MARCHF5: variants seen among roughly 807,000 people sequenced by gnomAD.
MARCHF5 encodes the protein membrane associated ring-CH-type finger 5, also known as E3 ubiquitin-protein ligase MARCHF5.
MARCHF5 carries 5 observed loss-of-function variants against 36.5 expected under a neutral mutation model. The observed-to-expected ratio is 0.14, with a 90% CI of 0.07 to 0.29. The LOEUF is 0.29. Among genes scored for constraint, MARCHF5 ranks in the 10% least tolerant of loss-of-function variants. MARCHF5 has a pLI of 1.00. For synonymous variants in MARCHF5, 103 were observed against 109.9 expected (o/e 0.94, Z 0.39); for missense variants, 179 against 336.3 (o/e 0.53, Z 3.66).
rs1843737462 is a variant in MARCHF5 at position 92,353,170 on chromosome 10, T to G, written c.*1963T>G. ...TTGCGGGGAGGGAACTGCAAGTGCC[T>G]GAGGACCAGAGTGGCCTCTAGCCCC... is the stretch of plus-strand genomic sequence containing the variant. On this transcript the variant is annotated 3_prime_UTR_variant, in exon 6 of 6. Transcript: ENST00000358935. 1 of 152,142 alleles carries G rather than the reference T, an allele frequency of 6.6e-6. No homozygotes were observed. Among genetic ancestry groups the G allele is most frequent in the Non-Finnish European group, 1.5e-5 (1 of 68,060 alleles). The allele number at this position is 152,142 out of a possible 1,614,324, so 9.4% of individuals were successfully genotyped here.
chr10:92,316,378 TAC>T (rs1423202700), intron 2 of MARCHF5, among the ~76,000 whole-genome samples: 1 of 152,150 alleles, frequency 6.6e-6, no homozygotes. Context: ...CCACCCATGT[TAC>T]AGTTTGCTTT....
chr10:92,296,804 G>A (rs1021792464), intron 1 of MARCHF5, among the ~76,000 whole-genome samples: 19 of 152,110 alleles, frequency 1.2e-4, no homozygotes, highest in Non-Finnish European at 1.0e-4. Context: ...TTAGAATTCT[G>A]CCTCTGTGAG....
chr10:92,342,133 A>G (rs1023991419), intron 3 of MARCHF5, among the ~76,000 whole-genome samples: 1 of 133,546 alleles, frequency 7.5e-6, no homozygotes, highest in African/African-American at 2.7e-5. Flanking sequence ...TTGACTCTTC[A>G]CCCCCCTCAA....
At chr10:92,295,640 CGTCGTAATCT>C (rs1554945718) in intron 1 of MARCHF5, among the ~76,000 whole-genome samples, 1 of 151,690 alleles carries the variant, frequency 6.6e-6, no homozygotes, top group Non-Finnish European at 1.5e-5. Context: ...GATCTCCTGA[CGTCGTAATCT>C]GCCGGAATTG....
Position 92,295,413 on chromosome 10 carries a change from TA to T in MARCHF5, c.35+3885del, listed in dbSNP as rs200028489. On this transcript the variant is annotated intron_variant, in intron 1 of 5. Transcript: ENST00000358935. ...TTTATTTATTTATTTATTTATTTTT[TA>T]TTTTTTTTTTTGAGACAGAGTCTCG... 3.5e-3 allele frequency among the ~76,000 whole-genome samples: 484 copies of T among 138,520 alleles called. 15 individuals are homozygous for T. The highest frequency in any genetic ancestry group is 0.024 in the East Asian group (116 of 4,820). 90.9% of individuals were successfully genotyped at this position (138,520 alleles called of 152,430 possible). A position where few individuals can be genotyped will look rare whatever the true frequency, so the allele number is the denominator to read the frequency against.
At chr10:92,302,059 C>CAA (rs1008874342) in intron 1 of MARCHF5, among the ~76,000 whole-genome samples, 6 of 146,556 alleles carry the variant, frequency 4.1e-5, no homozygotes, top group African/African-American at 1.5e-4. Flanking sequence ...GACTCTGTCT[C>CAA]AAAAAAAAAA....
At chr10:92,347,306 A>G (rs985171603) in intron 3 of MARCHF5, among the ~76,000 whole-genome samples, 3 of 152,148 alleles carry the variant, frequency 2.0e-5, no homozygotes, top group Non-Finnish European at 2.9e-5. Flanking sequence ...TAACGTGGTG[A>G]AACCCCATTT....
chr10:92,325,269 A>G (rs1041716143), intron 2 of MARCHF5, among the ~76,000 whole-genome samples: 52 of 152,278 alleles, frequency 3.4e-4, no homozygotes, highest in African/African-American at 1.3e-3. Flanking sequence ...CCTGAGCCCA[A>G]GAGTTCCAGA....
At chr10:92,305,256 A>G (rs1384614986) in intron 1 of MARCHF5, among the ~76,000 whole-genome samples, 1 of 151,970 alleles carries the variant, frequency 6.6e-6, no homozygotes, top group African/African-American at 2.4e-5. Flanking sequence ...AAATACAAAA[A>G]ATTAGCCAGA....
intron 1 of MARCHF5, among the ~76,000 whole-genome samples, chr10:92,292,089 C>T (rs1842881833): frequency 7.8e-6 from 1 of 127,820 alleles, no homozygotes; most frequent in African/African-American, 2.9e-5. Flanking sequence ...GGAGATTTAA[C>T]GGTCAGACCA....
At chr10:92,307,205 G>C (rs1843084881) in intron 1 of MARCHF5, among the ~76,000 whole-genome samples, 1 of 108,664 alleles carries the variant, frequency 9.2e-6, no homozygotes, top group South Asian at 2.9e-4. Context: ...GTGTGTGTGT[G>C]TGTGTGTGCG....
At chr10:92,293,084 A>G (rs1439183262) in intron 1 of MARCHF5, among the ~76,000 whole-genome samples, 5 of 151,914 alleles carry the variant, frequency 3.3e-5, no homozygotes, top group African/African-American at 1.2e-4. Flanking sequence ...TCATTTTTAC[A>G]TAGTGACTTT....
intron 3 of MARCHF5, among the ~76,000 whole-genome samples, chr10:92,342,318 T>G (rs1564953528): frequency 6.6e-6 from 1 of 151,834 alleles, no homozygotes; most frequent in Non-Finnish European, 1.5e-5. Flanking sequence ...CCAGCTAATT[T>G]TTTATTTTTT....
intron 1 of MARCHF5, among the ~76,000 whole-genome samples, chr10:92,295,549 A>G (rs746071766): frequency 3.3e-5 from 5 of 149,738 alleles, no homozygotes; most frequent in Non-Finnish European, 5.9e-5. Context: ...CTGGGACTAC[A>G]GGCACCCGCC....
At position 92,309,943 on chromosome 10, in the gene MARCHF5, G is replaced by A. The variant is rs186576516; in HGVS notation, c.36-1192G>A. The stretch of plus-strand genomic sequence containing the variant: ...AGAATGCTAAACAAATGCTACCTAC[G>A]TTCTAATTTTACTTAGATCTTATGA... On this transcript the variant is annotated intron_variant, in intron 1 of 5. Transcript: ENST00000358935. Among the ~76,000 whole-genome samples, 574 of 152,226 alleles carry A rather than the reference G, an allele frequency of 3.8e-3. 3 individuals are homozygous for A. The highest frequency in any genetic ancestry group is 0.013 in the African/African-American group (542 of 41,538).
At chr10:92,323,923 C>G (rs1843322577) in intron 2 of MARCHF5, among the ~76,000 whole-genome samples, 1 of 152,204 alleles carries the variant, frequency 6.6e-6, no homozygotes, top group Non-Finnish European at 1.5e-5. Context: ...TACCAAGGAG[C>G]ATGATTGCTG....
chr10:92,295,812 A>G (rs1261817691), intron 1 of MARCHF5, among the ~76,000 whole-genome samples: 1 of 151,904 alleles, frequency 6.6e-6, no homozygotes, highest in African/African-American at 2.4e-5. Flanking sequence ...GATTACTGTA[A>G]TATTTGTAGG....
chr10:92,314,797 T>C (rs1564946357), intron 2 of MARCHF5, among the ~76,000 whole-genome samples: 4 of 139,408 alleles, frequency 2.9e-5, no homozygotes, highest in African/African-American at 8.7e-5. Flanking sequence ...TCCAGGCTTG[T>C]CTCAAACTCC....
chr10:92,328,002 T>A (rs1479332119), intron 2 of MARCHF5, among the ~76,000 whole-genome samples: 1 of 152,168 alleles, frequency 6.6e-6, no homozygotes, highest in Non-Finnish European at 1.5e-5. Flanking sequence ...AATTGCACTT[T>A]GCCTCTCTGG....
Sources: gnomAD v4.1 joint callset for allele counts (sites outside exome capture counted in the v4.1 genomes callset) on GRCh38, gnomAD v4.1.1 for gene constraint, MANE v1.5 for transcripts, NCBI Gene and HGNC (gene_info 2026-07-23, HGNC 2026-07-21) for gene names.